Variants in LY96 observed in about 807,000 individuals in gnomAD.
The protein encoded by LY96 is myeloid differentiation protein-2.
In LY96, 18 loss-of-function variants were observed where a neutral mutation model predicts 18.9. The observed-to-expected ratio is 0.95, with a 90% CI of 0.66 to 1.41. The LOEUF is 1.41. LY96 is among the 40% of genes most tolerant of loss of function. The pLI, the probability that LY96 is intolerant of heterozygous loss-of-function variation, is 0.00. For synonymous variants in LY96, 66 were observed against 62.6 expected (o/e 1.06, Z -0.26); for missense variants, 175 against 182.4 (o/e 0.96, Z 0.23).
downstream of LY96, chr8:74,029,129 A>G: frequency 2.4e-6 from 2 of 818,202 alleles, no homozygotes; most frequent in Non-Finnish European, 4.1e-6. Flanking sequence ...TGTTTTAATC[A>G]GATATGGTAG....
intron 1 of LY96, among the ~76,000 whole-genome samples, chr8:74,002,214 G>A (rs897725183): frequency 6.7e-6 from 1 of 149,622 alleles, no homozygotes; most frequent in Non-Finnish European, 1.5e-5. Context: ...TCAGCTCACT[G>A]CAACCTCTGC....
At chr8:74,075,530 C>G in the LY96 span, among the ~76,000 whole-genome samples, 2 of 152,198 alleles carry the variant, frequency 1.3e-5, no homozygotes, top group African/African-American at 4.8e-5. Context: ...CTTGGCTTCC[C>G]AAAGTGTTGG....
chr8:74,004,813 A>G lies in LY96; in HGVS notation c.130A>G (p.Ile44Val), dbSNP rs769770916. The change falls in exon 2 of 5, where the codon ATT becomes GTT. Residue 44 changes from isoleucine (I) to valine (V), a missense_variant. Transcript: ENST00000284818. ...YTYCDKMQYP[I>V]SINVNPCIEL... ...GCTTTTAGATAAAATGCAATACCCA[A>G]TTTCAATTAATGTTAACCCCTGTAT... 19 of 1,576,048 alleles carry G rather than the reference A, an allele frequency of 1.2e-5. No homozygotes were observed. Among genetic ancestry groups the G allele is most frequent in the Non-Finnish European group, 1.7e-5 (19 of 1,147,992 alleles).
chr8:74,001,941 TC>T (rs1486739863), intron 1 of LY96, among the ~76,000 whole-genome samples: 7 of 25,682 alleles, frequency 2.7e-4, no homozygotes, highest in Admixed American at 1.5e-3. Flanking sequence ...CAACCAACCT[TC>T]CTTCCTTCCT....
the LY96 span, among the ~76,000 whole-genome samples, chr8:74,047,874 GTTTTATTTTATTTTA>G: frequency 6.6e-6 from 1 of 151,786 alleles, no homozygotes; most frequent in Non-Finnish European, 1.5e-5. Context: ...ATTTCCCACT[GTTTTATTTTATTTTA>G]TTTTATTTTA....
intron 3 of LY96, among the ~76,000 whole-genome samples, chr8:74,017,454 T>C (rs1167902881): frequency 1.3e-5 from 2 of 152,160 alleles, no homozygotes; most frequent in Non-Finnish European, 2.9e-5. Flanking sequence ...ATGGTGAGAA[T>C]GGAACCAAGC....
At chr8:73,995,984 C>A (rs906995751) in intron 1 of LY96, among the ~76,000 whole-genome samples, 1 of 152,028 alleles carries the variant, frequency 6.6e-6, no homozygotes, top group Admixed American at 6.5e-5. Flanking sequence ...AATGGAGAAG[C>A]TAGGGGGTTG....
At chr8:74,044,807 T>A in the LY96 span, among the ~76,000 whole-genome samples, 2 of 152,226 alleles carry the variant, frequency 1.3e-5, no homozygotes, top group Admixed American at 1.3e-4. Context: ...AGAAAAATGG[T>A]TTCTGTCTCA....
the LY96 span, among the ~76,000 whole-genome samples, chr8:74,046,272 CCTT>C: frequency 6.6e-6 from 1 of 152,028 alleles, no homozygotes; most frequent in Non-Finnish European, 1.5e-5. Flanking sequence ...GAGTGAGACT[CCTT>C]CTCAAAAAAA....
intron 3 of LY96, among the ~76,000 whole-genome samples, chr8:74,016,532 A>G (rs1481033312): frequency 6.6e-6 from 1 of 152,132 alleles, no homozygotes; most frequent in African/African-American, 2.4e-5. Context: ...ATGGTGTTTG[A>G]GCTCTGAGAT....
the LY96 span, among the ~76,000 whole-genome samples, chr8:74,039,091 A>G: frequency 6.6e-6 from 1 of 152,140 alleles, no homozygotes; most frequent in East Asian, 1.9e-4. Flanking sequence ...GAGATATCTC[A>G]TTGTAGTTTT....
chr8:74,048,038 A>G, the LY96 span, among the ~76,000 whole-genome samples: 1 of 152,112 alleles, frequency 6.6e-6, no homozygotes, highest in East Asian at 1.9e-4. Context: ...GTGTGGGACC[A>G]CAGGTACACA....
At chr8:74,070,333 C>T in the LY96 span, among the ~76,000 whole-genome samples, 14 of 152,218 alleles carry the variant, frequency 9.2e-5, no homozygotes, top group South Asian at 1.9e-3. Flanking sequence ...CCTCGTGATC[C>T]GCCCGCCTCG....
chr8:74,051,716 A>G, the LY96 span, among the ~76,000 whole-genome samples: 2 of 152,152 alleles, frequency 1.3e-5, no homozygotes, highest in African/African-American at 4.8e-5. Flanking sequence ...TCCCTCTCCA[A>G]CACGTGAGGA....
At chr8:74,078,926 G>A in the LY96 span, among the ~76,000 whole-genome samples, 1 of 151,368 alleles carries the variant, frequency 6.6e-6, no homozygotes, top group Non-Finnish European at 1.5e-5. Context: ...CTCTTTTTTT[G>A]TTCACTTATC....
chr8:74,048,699 T>C, the LY96 span: 1 of 151,982 alleles, frequency 6.6e-6, no homozygotes, highest in Non-Finnish European at 1.5e-5. Flanking sequence ...GTAGCACATA[T>C]GCTAAAATTG....
intron 2 of LY96, among the ~76,000 whole-genome samples, chr8:74,006,009 A>G (rs1816401898): frequency 6.6e-6 from 1 of 152,224 alleles, no homozygotes; most frequent in Non-Finnish European, 1.5e-5. Flanking sequence ...CAACAACAAA[A>G]TCCCCAAAAC....
the LY96 span, among the ~76,000 whole-genome samples, chr8:74,068,083 A>ATATATATATATATATATATATATATATAT: frequency 5.1e-4 from 49 of 95,786 alleles, 1 homozygote; most frequent in Non-Finnish European, 6.3e-4. Flanking sequence ...AAAAAAAAAA[A>ATATATATATATATATATATATATATATAT]AAAAAAATAT....
chr8:74,068,109 C>G, the LY96 span, among the ~76,000 whole-genome samples: 1 of 127,600 alleles, frequency 7.8e-6, no homozygotes, highest in African/African-American at 3.5e-5. Context: ...TATAACATTT[C>G]CTTCATTTCC....
Sources: allele counts gnomAD v4.1 joint callset (sites outside exome capture counted in the v4.1 genomes callset), GRCh38; gene constraint gnomAD v4.1.1; transcripts MANE v1.5; gene names NCBI Gene and HGNC (gene_info 2026-07-23, HGNC 2026-07-21).